The following CDC14B variants were observed in gnomAD, a reference collection of about 807,000 sequenced individuals.
CDC14B encodes dual specificity protein phosphatase CDC14B.
CDC14B carries 22 observed loss-of-function variants against 64.2 expected under a neutral mutation model. The observed-to-expected ratio is 0.34, with a 90% CI of 0.24 to 0.49. The LOEUF (loss-of-function observed/expected upper bound fraction) is 0.49. Among genes scored for constraint, CDC14B ranks in the 20% least tolerant of loss-of-function variants. The pLI is 0.99. For missense variants in CDC14B, 498 were observed against 629.9 expected (o/e 0.79, Z 2.24); for synonymous variants, 191 against 215.8 (o/e 0.89, Z 1.01).
chr9:96,496,712 G>A (rs942639716), downstream of CDC14B, among the ~76,000 whole-genome samples: 3 of 152,348 alleles, frequency 2.0e-5, no homozygotes, highest in Non-Finnish European at 1.5e-5. Flanking sequence ...TGAAGTCCCC[G>A]CTGGAGGAGG....
At position 96,613,933 on chromosome 9, in the gene CDC14B, G is replaced by A. The variant is rs1490175109; in HGVS notation, c.160+5286C>T. Among the ~76,000 whole-genome samples, 2 of 152,092 alleles carry A rather than the reference G, an allele frequency of 1.3e-5. 1 individual carries two copies. The highest frequency in any genetic ancestry group is 4.2e-4 in the South Asian group (2 of 4,816). On this transcript the variant is annotated intron_variant, in intron 1 of 13. Transcript: ENST00000375241. ...AATGAATAAATTTTCCCTGTCTAATGTCTGCTGTGAATTTTAAAGATCTTA... is the reference window on the plus strand; with the variant it reads ...AATGAATAAATTTTCCCTGTCTAATATCTGCTGTGAATTTTAAAGATCTTA...
intron 1 of CDC14B, among the ~76,000 whole-genome samples, chr9:96,618,199 C>G (rs1469399578): frequency 6.6e-6 from 1 of 152,200 alleles, no homozygotes; most frequent in Admixed American, 6.5e-5. Flanking sequence ...TTAATGTTCT[C>G]GCCACTCCAG....
chr9:96,584,973 G>A (rs1845376012), intron 1 of CDC14B, among the ~76,000 whole-genome samples: 1 of 152,094 alleles, frequency 6.6e-6, no homozygotes, highest in South Asian at 2.1e-4. Flanking sequence ...ACTTCAATGA[G>A]TATTTTGAAT....
At chr9:96,505,221 A>G (rs989666146) in intron 13 of CDC14B, among the ~76,000 whole-genome samples, 1 of 151,700 alleles carries the variant, frequency 6.6e-6, no homozygotes, top group Non-Finnish European at 1.5e-5. Context: ...AAAGAACCTG[A>G]GCATTTCTCT....
chr9:96,567,043 G>T (rs1258410217), intron 1 of CDC14B: 4 of 1,210,154 alleles, frequency 3.3e-6, no homozygotes, highest in East Asian at 2.8e-5. Context: ...CCGTGGGGAC[G>T]GACAGCACCC....
chr9:96,616,632 G>A (rs1478306379), intron 1 of CDC14B, among the ~76,000 whole-genome samples: 2 of 151,732 alleles, frequency 1.3e-5, no homozygotes, highest in African/African-American at 4.8e-5. Flanking sequence ...GCTGAGGCAG[G>A]AGAATCCCTT....
intron 1 of CDC14B, chr9:96,618,679 G>C (rs1428882275): frequency 1.4e-5 from 7 of 490,030 alleles, no homozygotes; most frequent in Non-Finnish European, 2.4e-5. Flanking sequence ...AGAGGGGCTC[G>C]GGCTTACGCG....
intron 1 of CDC14B, among the ~76,000 whole-genome samples, chr9:96,615,229 A>G (rs1847550607): frequency 6.6e-6 from 1 of 152,200 alleles, no homozygotes; most frequent in Admixed American, 6.5e-5. Flanking sequence ...GTCATTGCAC[A>G]TGGCAAGAGG....
Position 96,502,891 on chromosome 9 carries a change from C to T in CDC14B, c.*862G>A. The T allele has an allele frequency of 2.5e-6, 1 of 398,034 alleles. No individual in the cohort carries two copies. The highest frequency in any genetic ancestry group is 4.4e-6 in the Non-Finnish European group (1 of 225,962). 24.7% of individuals were successfully genotyped at this position (398,034 alleles called of 1,614,324 possible). A position where few individuals can be genotyped will look rare whatever the true frequency, so the allele number is the denominator to read the frequency against. ...TGTAAGCCGACATTATTTGGGATTGCTGTTTCCAAGGGGAAAAACCAATAG... is the reference window on the plus strand; with the variant it reads ...TGTAAGCCGACATTATTTGGGATTGTTGTTTCCAAGGGGAAAAACCAATAG... On this transcript the variant is annotated 3_prime_UTR_variant, in exon 14 of 14. Transcript: ENST00000375241.
chr9:96,496,576 T>C (rs1833251272), downstream of CDC14B, among the ~76,000 whole-genome samples: 1 of 152,208 alleles, frequency 6.6e-6, no homozygotes. Flanking sequence ...CGCGGCTACT[T>C]AAGGACACGC....
downstream of CDC14B, among the ~76,000 whole-genome samples, chr9:96,497,300 G>A (rs143659426): frequency 5.7e-5 from 6 of 105,326 alleles, no homozygotes; most frequent in Admixed American, 9.0e-5. Flanking sequence ...GGGGAGGCAG[G>A]GGCGGGGAGG....
At position 96,608,419 on chromosome 9, in the gene CDC14B, G is replaced by T. The variant is rs150545772; in HGVS notation, c.160+10800C>A. 3.5e-4 allele frequency among the ~76,000 whole-genome samples: 53 copies of T among 152,250 alleles called. 1 individual carries two copies. In the East Asian group the frequency reaches 9.8e-3, roughly 28 times the overall value. On this transcript the variant is annotated intron_variant, in intron 1 of 13. Coordinates refer to ENST00000375241, the MANE Select transcript of CDC14B (RefSeq NM_033331.4). The stretch of plus-strand genomic sequence containing the variant: ...AGCTGCTTCCAACAAACTATCTAAT[G>T]ACAGTATTACAATAATAAATTCCAA...
intron 1 of CDC14B, among the ~76,000 whole-genome samples, chr9:96,591,587 T>C (rs1005140847): frequency 6.6e-6 from 1 of 152,136 alleles, no homozygotes; most frequent in African/African-American, 2.4e-5. Context: ...TCCATATAAA[T>C]TTTAGGATTA....
intron 4 of CDC14B, among the ~76,000 whole-genome samples, chr9:96,556,986 G>C (rs1329860763): frequency 6.6e-6 from 1 of 152,144 alleles, no homozygotes; most frequent in Non-Finnish European, 1.5e-5. Flanking sequence ...ACAATGACCG[G>C]AACAAGGATG....
Position 96,522,582 on chromosome 9 carries a change from TGATTTC to T in CDC14B, c.1261_1266del (p.Glu421_Ile422del). The T allele has an allele frequency of 6.2e-7, 1 of 1,612,358 alleles. No individual in the cohort carries two copies. Among genetic ancestry groups the T allele is most frequent in the Non-Finnish European group, 8.5e-7 (1 of 1,178,330 alleles). ...AGTCTATCACCTTGTGTCACTCCATTGATTTCGTCATCATCACTGTACTGTGTAAGT... is the reference window on the plus strand; with the variant it reads ...AGTCTATCACCTTGTGTCACTCCATTGTCATCATCACTGTACTGTGTAAGT... On this transcript the variant is annotated inframe_deletion, in exon 12 of 14. Transcript: ENST00000375241.
At chr9:96,509,831 C>A in intron 12 of CDC14B, 42 bp from the exon 13 acceptor site, 1 of 1,260,478 alleles carries the variant, frequency 7.9e-7, no homozygotes, top group South Asian at 1.3e-5. Context: ...TTCACTGAAA[C>A]CATTTGCAAA....
chr9:96,501,401 C>G lies in CDC14B; in HGVS notation c.*2352G>C, dbSNP rs1228322175. ...AACAAGGTCTTCTATAACAACGACT[C>G]TAAGTCAGAATTCCAGAAGATTCTG... On this transcript the variant is annotated 3_prime_UTR_variant, in exon 14 of 14. Coordinates refer to ENST00000375241, the MANE Select transcript of CDC14B (RefSeq NM_033331.4). 6.6e-6 allele frequency: 1 copy of G among 152,162 alleles called. No homozygotes were observed. Among genetic ancestry groups the G allele is most frequent in the Non-Finnish European group, 1.5e-5 (1 of 68,040 alleles). 9.4% of individuals were successfully genotyped at this position (152,162 alleles called of 1,614,324 possible).
intron 12 of CDC14B, among the ~76,000 whole-genome samples, chr9:96,516,980 G>A (rs982039549): frequency 1.3e-5 from 2 of 150,794 alleles, no homozygotes; most frequent in African/African-American, 4.9e-5. Flanking sequence ...TACAGATGGG[G>A]TTTCTCCATG....
intron 9 of CDC14B, among the ~76,000 whole-genome samples, chr9:96,526,363 A>C (rs1416836347): frequency 6.6e-6 from 1 of 152,152 alleles, no homozygotes; most frequent in East Asian, 1.9e-4. Context: ...GCGAGACTCC[A>C]TCTCAAAAAA....
Sources: gnomAD v4.1 joint callset for allele counts (sites outside exome capture counted in the v4.1 genomes callset) on GRCh38, gnomAD v4.1.1 for gene constraint, MANE v1.5 for transcripts, NCBI Gene and HGNC (gene_info 2026-07-23, HGNC 2026-07-21) for gene names.